C13orf46: variants seen among roughly 807,000 people sequenced by gnomAD.
The protein encoded by C13orf46 is uncharacterized protein C13orf46.
At chr13:113,946,056 G>GGCCTGGAGTGCAGGGCAGTA in the C13orf46 span, among the ~76,000 whole-genome samples, 1 of 111,882 alleles carries the variant, frequency 8.9e-6, no homozygotes. Flanking sequence ...CACCGTGAGT[G>GGCCTGGAGTGCAGGGCAGTA]AATGCCGCGT....
Position 113,973,436 on chromosome 13 carries a change from A to G in C13orf46, c.190+372T>C, listed in dbSNP as rs116926070. Among the ~76,000 whole-genome samples the G allele has an allele frequency of 4.9e-4, 74 of 152,254 alleles. No individual in the cohort carries two copies. In the East Asian group the frequency reaches 0.014, roughly 28 times the overall value. Reference sequence around the variant, plus strand: ...CGAGGATACAAGTGACTCTCCCTCTAGTCCCCTCACGTGTAAATTGTGTGT... The same window carrying G: ...CGAGGATACAAGTGACTCTCCCTCTGGTCCCCTCACGTGTAAATTGTGTGT... On this transcript the variant is annotated intron_variant, in intron 1 of 6. Transcript: ENST00000636427.
At chr13:113,963,007 G>C (rs1323362433) in intron 6 of C13orf46, among the ~76,000 whole-genome samples, 7 of 152,192 alleles carry the variant, frequency 4.6e-5, no homozygotes, top group African/African-American at 1.4e-4. Flanking sequence ...TCTCCCTGGA[G>C]ACATAAAAAT....
chr13:113,957,804 A>C, intron 6 of C13orf46, among the ~76,000 whole-genome samples: 1 of 114,678 alleles, frequency 8.7e-6, no homozygotes, highest in Non-Finnish European at 1.7e-5. Context: ...ACCCCCTTTC[A>C]TCAAGCACAC....
At chr13:113,938,315 C>CT in the C13orf46 span, among the ~76,000 whole-genome samples, 2 of 152,204 alleles carry the variant, frequency 1.3e-5, no homozygotes, top group Admixed American at 1.3e-4. Flanking sequence ...AATGTATTAT[C>CT]TTACAGTCCT....
chr13:113,931,814 T>C, the C13orf46 span, among the ~76,000 whole-genome samples: 3 of 152,188 alleles, frequency 2.0e-5, no homozygotes, highest in African/African-American at 7.2e-5. Flanking sequence ...TTTGTTTAGA[T>C]TTTTTTGACA....
intron 1 of C13orf46, among the ~76,000 whole-genome samples, chr13:113,972,536 C>A (rs768491470): frequency 6.6e-6 from 1 of 152,284 alleles, no homozygotes; most frequent in African/African-American, 2.4e-5. Context: ...CCGTGTCAGC[C>A]CCTCAGCCCT....
chr13:113,941,548 T>C, the C13orf46 span, among the ~76,000 whole-genome samples: 1 of 144,764 alleles, frequency 6.9e-6, no homozygotes, highest in Middle Eastern at 3.5e-3. Context: ...GGGCATTCGA[T>C]ACCCTGGTCT....
downstream of C13orf46, among the ~76,000 whole-genome samples, chr13:113,952,300 G>A (rs894736090): frequency 4.8e-5 from 7 of 145,522 alleles, no homozygotes; most frequent in East Asian, 1.9e-4. Context: ...GCCCAGGGCC[G>A]CTGTGTGGCC....
chr13:113,940,137 C>T, the C13orf46 span, among the ~76,000 whole-genome samples: 8 of 152,232 alleles, frequency 5.3e-5, no homozygotes, highest in Non-Finnish European at 1.0e-4. Flanking sequence ...GGCTGCGCCT[C>T]GGCCTCAGAT....
chr13:113,962,665 C>T (rs1008107111), intron 6 of C13orf46, among the ~76,000 whole-genome samples: 3 of 152,264 alleles, frequency 2.0e-5, no homozygotes, highest in East Asian at 1.9e-4. Context: ...CCCCACTGCA[C>T]GCCACCAGCA....
At chr13:113,929,281 A>G in the C13orf46 span, among the ~76,000 whole-genome samples, 1 of 152,228 alleles carries the variant, frequency 6.6e-6, no homozygotes, top group Non-Finnish European at 1.5e-5. Context: ...CCACCTCCTC[A>G]GGGCTGGCCC....
At chr13:113,963,205 C>A (rs2052601597) in intron 6 of C13orf46, among the ~76,000 whole-genome samples, 1 of 150,428 alleles carries the variant, frequency 6.6e-6, no homozygotes, top group South Asian at 2.1e-4. Context: ...CCGTCCTCAG[C>A]CTTGCCCCTG....
chr13:113,971,221 A>G (rs1444176477), intron 1 of C13orf46, among the ~76,000 whole-genome samples: 2 of 152,200 alleles, frequency 1.3e-5, no homozygotes, highest in Non-Finnish European at 2.9e-5. Flanking sequence ...TTCAAATACA[A>G]CAGGGATGAT....
At chr13:113,937,631 G>A in the C13orf46 span, among the ~76,000 whole-genome samples, 855 of 152,256 alleles carry the variant, frequency 5.6e-3, 8 homozygotes, top group African/African-American at 0.019. Context: ...TGAGGTGGTC[G>A]GCGCAGAGTT....
At chr13:113,938,890 A>G in the C13orf46 span, among the ~76,000 whole-genome samples, 1 of 151,802 alleles carries the variant, frequency 6.6e-6, no homozygotes, top group Non-Finnish European at 1.5e-5. Context: ...CTTGGGCCTC[A>G]CGCCCAGGAA....
chr13:113,951,337 C>T (rs895708802), downstream of C13orf46, among the ~76,000 whole-genome samples: 284 of 152,300 alleles, frequency 1.9e-3, 7 homozygotes, highest in East Asian at 0.046. Flanking sequence ...AGGGCAAGGT[C>T]GTCCCTGCGG....
intron 1 of C13orf46, among the ~76,000 whole-genome samples, chr13:113,971,392 G>A (rs1394048000): frequency 6.6e-6 from 1 of 152,232 alleles, no homozygotes; most frequent in Non-Finnish European, 1.5e-5. Flanking sequence ...ACCAATGGCC[G>A]ACCACGAGGG....
intron 1 of C13orf46, among the ~76,000 whole-genome samples, chr13:113,971,195 C>A (rs1260345916): frequency 6.6e-6 from 1 of 152,208 alleles, no homozygotes; most frequent in Non-Finnish European, 1.5e-5. Flanking sequence ...TCCCACAACA[C>A]CCCCTTGGCC....
At chr13:113,946,226 C>T in the C13orf46 span, among the ~76,000 whole-genome samples, 3 of 152,244 alleles carry the variant, frequency 2.0e-5, no homozygotes, top group African/African-American at 4.8e-5. Context: ...TACTCCCCAC[C>T]GGCCAATTGG....
Sources: allele counts gnomAD v4.1 joint callset (sites outside exome capture counted in the v4.1 genomes callset), GRCh38; gene constraint gnomAD v4.1.1; transcripts MANE v1.5; gene names NCBI Gene and HGNC (gene_info 2026-07-23, HGNC 2026-07-21).